KPNA1: variants seen among roughly 807,000 people sequenced by gnomAD.
KPNA1 encodes karyopherin subunit alpha 1, also known as importin subunit alpha-5.
Under a neutral mutation model 70.5 loss-of-function variants are expected in KPNA1, and 10 were observed. The ratio of observed to expected loss-of-function variants is 0.14; its 90% CI spans 0.09 to 0.24. KPNA1 has a LOEUF of 0.24. KPNA1 is among the 10% of genes least tolerant of loss of function. The pLI, the probability that KPNA1 is intolerant of heterozygous loss-of-function variation, is 1.00. For missense variants in KPNA1, 397 were observed against 637.9 expected (o/e 0.62, Z 4.07); for synonymous variants, 192 against 221.9 (o/e 0.87, Z 1.20).
At chr3:122,476,881 A>AAAAAAAAAC (rs1560042634) in intron 2 of KPNA1, among the ~76,000 whole-genome samples, 25 of 150,034 alleles carry the variant, frequency 1.7e-4, no homozygotes, top group African/African-American at 5.9e-4. Flanking sequence ...AAAAAAAAAA[A>AAAAAAAAAC]AAACTAAAAA....
At chr3:122,488,140 TA>T (rs1252675399) in intron 2 of KPNA1, among the ~76,000 whole-genome samples, 1 of 152,176 alleles carries the variant, frequency 6.6e-6, no homozygotes, top group African/African-American at 2.4e-5. Context: ...CCTATAAAAG[TA>T]ATGGATCTAG....
At chr3:122,489,574 CT>C (rs1164258348) in intron 2 of KPNA1, among the ~76,000 whole-genome samples, 2 of 152,082 alleles carry the variant, frequency 1.3e-5, no homozygotes, top group Non-Finnish European at 2.9e-5. Flanking sequence ...CTGGCAGAGT[CT>C]TTTTTTATCT....
intron 2 of KPNA1, among the ~76,000 whole-genome samples, chr3:122,485,245 C>T (rs1268413610): frequency 6.6e-6 from 1 of 152,072 alleles, no homozygotes. Flanking sequence ...AAAGTTGGAG[C>T]TCTAACACTA....
At chr3:122,509,288 C>G (rs2076928715) in intron 1 of KPNA1, among the ~76,000 whole-genome samples, 1 of 151,082 alleles carries the variant, frequency 6.6e-6, no homozygotes, top group Non-Finnish European at 1.5e-5. Flanking sequence ...TAAAGGCAAA[C>G]ATGTGAGCAA....
At chr3:122,504,922 T>A (rs1400680322) in intron 1 of KPNA1, among the ~76,000 whole-genome samples, 3 of 151,814 alleles carry the variant, frequency 2.0e-5, no homozygotes, top group Non-Finnish European at 4.4e-5. Flanking sequence ...TTTTTTTTTT[T>A]AAACACAAGC....
chr3:122,480,563 TTAGA>T (rs556507454), intron 2 of KPNA1, among the ~76,000 whole-genome samples: 1 of 152,114 alleles, frequency 6.6e-6, no homozygotes, highest in East Asian at 1.9e-4. Flanking sequence ...AGGATGTTCC[TTAGA>T]TAGAAGGAAA....
chr3:122,479,585 C>T (rs866953244), intron 2 of KPNA1, among the ~76,000 whole-genome samples: 5 of 152,120 alleles, frequency 3.3e-5, no homozygotes, highest in African/African-American at 1.2e-4. Flanking sequence ...CATGGTGAAA[C>T]CCTGTCTCTA....
intron 2 of KPNA1, among the ~76,000 whole-genome samples, chr3:122,485,612 G>C (rs2076620582): frequency 2.0e-5 from 3 of 151,926 alleles, no homozygotes; most frequent in Admixed American, 2.0e-4. Context: ...GAAGACAATC[G>C]ACTCAGTTAA....
intron 2 of KPNA1, among the ~76,000 whole-genome samples, chr3:122,479,884 T>C (rs1290246926): frequency 1.3e-5 from 2 of 152,152 alleles, no homozygotes; most frequent in Non-Finnish European, 2.9e-5. Flanking sequence ...AGGAGTTTTA[T>C]CCATAACTGT....
chr3:122,505,755 T>A (rs2076883689), intron 1 of KPNA1, among the ~76,000 whole-genome samples: 2 of 152,214 alleles, frequency 1.3e-5, no homozygotes, highest in South Asian at 4.1e-4. Flanking sequence ...TACTCAATTA[T>A]CAAATTTTGC....
At chr3:122,467,452 C>T (rs1560037625) in intron 2 of KPNA1, 23 bp from the exon 3 acceptor site, 1 of 1,465,878 alleles carries the variant, frequency 6.8e-7, no homozygotes, top group East Asian at 2.3e-5. Flanking sequence ...AGATTGGTAG[C>T]AATGTAAATG....
At chr3:122,436,772 A>C (rs1470399471) in intron 11 of KPNA1, among the ~76,000 whole-genome samples, 1 of 152,282 alleles carries the variant, frequency 6.6e-6, no homozygotes, top group Admixed American at 6.5e-5. Context: ...AATAATGAAA[A>C]CGATATACGT....
intron 9 of KPNA1, among the ~76,000 whole-genome samples, chr3:122,446,739 T>C (rs1219990105): frequency 2.0e-5 from 3 of 152,086 alleles, no homozygotes; most frequent in African/African-American, 7.2e-5. Flanking sequence ...CAGGAGCTGG[T>C]GTTTTGAAAA....
chr3:122,482,314 G>A (rs574501899), intron 2 of KPNA1, among the ~76,000 whole-genome samples: 56 of 152,284 alleles, frequency 3.7e-4, no homozygotes, highest in African/African-American at 1.2e-3. Flanking sequence ...AATCTTATGG[G>A]ACCACATCAT....
chr3:122,457,761 C>A (rs1258586978), intron 5 of KPNA1: 1 of 1,289,742 alleles, frequency 7.8e-7, no homozygotes, highest in East Asian at 5.6e-5. Context: ...TTGAGGTACG[C>A]CTGGTTCCCT....
intron 2 of KPNA1, among the ~76,000 whole-genome samples, chr3:122,489,857 T>G (rs1050072131): frequency 1.3e-5 from 2 of 152,236 alleles, no homozygotes; most frequent in Non-Finnish European, 2.9e-5. Flanking sequence ...ATATGGAAAC[T>G]GTTTGATCCT....
At chr3:122,435,670 C>G (rs547736659) in intron 11 of KPNA1, among the ~76,000 whole-genome samples, 6 of 152,180 alleles carry the variant, frequency 3.9e-5, no homozygotes, top group Non-Finnish European at 7.4e-5. Flanking sequence ...CAAATTAATA[C>G]TTTTATCATT....
chr3:122,481,372 A>G (rs2076568907), intron 2 of KPNA1, among the ~76,000 whole-genome samples: 1 of 152,240 alleles, frequency 6.6e-6, no homozygotes, highest in Non-Finnish European at 1.5e-5. Context: ...ATGTTACAAC[A>G]TGGATCAATC....
chr3:122,474,502 TAG>T, intron 2 of KPNA1, among the ~76,000 whole-genome samples: 1 of 151,994 alleles, frequency 6.6e-6, no homozygotes, highest in Non-Finnish European at 1.5e-5. Flanking sequence ...TGAAACAGAA[TAG>T]AGAGCCCAGA....
Sources: gnomAD v4.1 joint callset for allele counts (sites outside exome capture counted in the v4.1 genomes callset) on GRCh38, gnomAD v4.1.1 for gene constraint, MANE v1.5 for transcripts, NCBI Gene and HGNC (gene_info 2026-07-23, HGNC 2026-07-21) for gene names.